The following TBC1D13 variants were observed in gnomAD, a reference collection of about 807,000 sequenced individuals.
TBC1D13 encodes the protein TBC1 domain family member 13.
A neutral mutation model predicts 53.6 loss-of-function variants in TBC1D13; 40 were observed. The ratio of observed to expected loss-of-function variants is 0.75; its 90% CI spans 0.58 to 0.97. The LOEUF (loss-of-function observed/expected upper bound fraction) is 0.97. TBC1D13 is among the 50% of genes least tolerant of loss of function. The pLI is 0.00. For missense variants in TBC1D13, 377 were observed against 499.4 expected (o/e 0.75, Z 2.34); for synonymous variants, 182 against 197.7 (o/e 0.92, Z 0.67).
intron 7 of TBC1D13, among the ~76,000 whole-genome samples, chr9:128,802,762 T>A (rs888303543): frequency 6.8e-6 from 1 of 146,742 alleles, no homozygotes; most frequent in Non-Finnish European, 1.5e-5. Context: ...TTTGAGACAG[T>A]GTCTTGTTGT....
At position 128,800,579 on chromosome 9, in the gene TBC1D13, G is replaced by A. The variant is rs148755218; in HGVS notation, c.544-2671G>A. Among the ~76,000 whole-genome samples the A allele has an allele frequency of 2.1e-3, 315 of 151,824 alleles. 2 individuals carry two copies. The highest frequency in any genetic ancestry group is 7.3e-3 in the African/African-American group (304 of 41,416). ...AGAGATTTTTGGCCAGGGTGGTCTCGAACTCCTGACCTAAAGTGATCCACC... is the reference window on the plus strand; with the variant it reads ...AGAGATTTTTGGCCAGGGTGGTCTCAAACTCCTGACCTAAAGTGATCCACC... On this transcript the variant is annotated intron_variant, in intron 7 of 11. Coordinates refer to ENST00000372648, the MANE Select transcript of TBC1D13 (RefSeq NM_018201.5).
At chr9:128,798,618 G>A (rs888704749) in intron 7 of TBC1D13, among the ~76,000 whole-genome samples, 1 of 152,134 alleles carries the variant, frequency 6.6e-6, no homozygotes, top group Admixed American at 6.5e-5. Context: ...AGAGACTCTG[G>A]GTGGAACTGA....
chr9:128,800,517 C>A (rs1165995940), intron 7 of TBC1D13, among the ~76,000 whole-genome samples: 1 of 151,922 alleles, frequency 6.6e-6, no homozygotes, highest in African/African-American at 2.4e-5. Flanking sequence ...ATCATCGGCG[C>A]GTGCCACCAC....
Position 128,806,537 on chromosome 9 carries a change from G to A in TBC1D13, c.1137+226G>A, listed in dbSNP as rs547374953. On this transcript the variant is annotated intron_variant, in intron 11 of 11. Transcript: ENST00000372648. ...GAGCAAGTGACTTGGCCTTCAAACCGTGTACTCTACGTAGGTGTTCACACC... is the reference window on the plus strand; with the variant it reads ...GAGCAAGTGACTTGGCCTTCAAACCATGTACTCTACGTAGGTGTTCACACC... Among the ~76,000 whole-genome samples, 58 of 152,362 alleles carry A rather than the reference G, an allele frequency of 3.8e-4. 1 individual carries two copies. The South Asian group carries it at 0.011, about 28-fold the overall frequency.
chr9:128,804,643 T>G (rs745886040), intron 9 of TBC1D13, among the ~76,000 whole-genome samples: 4 of 151,228 alleles, frequency 2.6e-5, no homozygotes, highest in Non-Finnish European at 5.9e-5. Context: ...TCTCCTGACC[T>G]CGTAATCCAC....
chr9:128,798,232 G>A (rs1221741320), intron 7 of TBC1D13, among the ~76,000 whole-genome samples: 13 of 151,594 alleles, frequency 8.6e-5, no homozygotes, highest in Non-Finnish European at 1.6e-4. Context: ...CAGCCTGGGT[G>A]ACAAAACGAG....
chr9:128,807,256 T>G (rs1829853085), intron 11 of TBC1D13, among the ~76,000 whole-genome samples: 1 of 151,894 alleles, frequency 6.6e-6, no homozygotes, highest in African/African-American at 2.4e-5. Flanking sequence ...CTGGCTAATT[T>G]TTGTACCTTT....
chr9:128,793,498 A>G (rs7847900), intron 6 of TBC1D13, among the ~76,000 whole-genome samples: 145,271 of 152,200 alleles, frequency 0.95, 69,340 homozygotes, highest in Non-Finnish European at 0.96. Context: ...TCCATTCCGC[A>G]TTTACCAGTT....
chr9:128,796,272 G>A (rs1031309700), intron 6 of TBC1D13, among the ~76,000 whole-genome samples: 16 of 150,946 alleles, frequency 1.1e-4, no homozygotes, highest in African/African-American at 3.6e-4. Flanking sequence ...TTTTTGAGAC[G>A]GAGTTTCGCT....
At chr9:128,788,529 A>G in intron 2 of TBC1D13, 122 bp downstream of exon 2, 1 of 795,026 alleles carries the variant, frequency 1.3e-6, no homozygotes, top group South Asian at 1.6e-5. Context: ...CTTGGAAGGA[A>G]ATTACACACA....
At chr9:128,787,440 C>A in intron 1 of TBC1D13, 64 bp downstream of exon 1, 1 of 1,246,204 alleles carries the variant, frequency 8.0e-7, no homozygotes, top group Non-Finnish European at 1.0e-6. Context: ...TTCTGCCCCT[C>A]AGAAGGGGGA....
intron 7 of TBC1D13, among the ~76,000 whole-genome samples, chr9:128,802,247 A>G (rs1453044146): frequency 1.3e-5 from 2 of 151,602 alleles, no homozygotes; most frequent in East Asian, 1.9e-4. Flanking sequence ...TAATAGAGAC[A>G]GGGTTTCTCC....
chr9:128,794,254 C>G (rs1404079858), intron 6 of TBC1D13, among the ~76,000 whole-genome samples: 9 of 152,186 alleles, frequency 5.9e-5, no homozygotes, highest in Non-Finnish European at 1.2e-4. Flanking sequence ...CTGGGTGCTG[C>G]TCCTCAGCCC....
intron 7 of TBC1D13, among the ~76,000 whole-genome samples, chr9:128,801,351 C>T (rs1829729858): frequency 6.6e-6 from 1 of 152,092 alleles, no homozygotes; most frequent in Non-Finnish European, 1.5e-5. Flanking sequence ...GCCTCCCCTC[C>T]CCAACCCCAT....
chr9:128,792,726 T>C (rs1345209761), intron 6 of TBC1D13, 152 bp downstream of exon 6: 4 of 676,730 alleles, frequency 5.9e-6, no homozygotes, highest in Admixed American at 2.5e-5. Context: ...GCACTATTGA[T>C]GATAGGCTGA....
intron 7 of TBC1D13, among the ~76,000 whole-genome samples, chr9:128,797,938 C>T (rs1456710388): frequency 1.3e-5 from 2 of 152,136 alleles, no homozygotes; most frequent in African/African-American, 4.8e-5. Flanking sequence ...GGATTTAACC[C>T]CATCTGTACT....
chr9:128,801,284 C>G lies in TBC1D13; in HGVS notation c.544-1966C>G, dbSNP rs566235549. ...CCATGAACAATTGAGATGTCCTCAG[C>G]TGGTGCCAGTGGTATCTTTGGATAT... On this transcript the variant is annotated intron_variant, in intron 7 of 11. Coordinates refer to ENST00000372648, the MANE Select transcript of TBC1D13 (RefSeq NM_018201.5). 4.6e-5 allele frequency among the ~76,000 whole-genome samples: 7 copies of G among 152,306 alleles called. 1 individual carries two copies. In the East Asian group the frequency reaches 1.2e-3, roughly 25 times the overall value.
chr9:128,793,748 A>G (rs1829577354), intron 6 of TBC1D13, among the ~76,000 whole-genome samples: 1 of 152,154 alleles, frequency 6.6e-6, no homozygotes, highest in Non-Finnish European at 1.5e-5. Flanking sequence ...GGTTAGACAG[A>G]ACAAGCTGGC....
At chr9:128,796,962 AT>A in intron 6 of TBC1D13, 92 bp from the exon 7 acceptor site, 1 of 1,403,300 alleles carries the variant, frequency 7.1e-7, no homozygotes, top group South Asian at 1.3e-5. Context: ...ACAAAAAACA[AT>A]GCTTTTGGGG....
Sources: allele counts gnomAD v4.1 joint callset (sites outside exome capture counted in the v4.1 genomes callset), GRCh38; gene constraint gnomAD v4.1.1; transcripts MANE v1.5; gene names NCBI Gene and HGNC (gene_info 2026-07-23, HGNC 2026-07-21).